GRID2: variants seen among roughly 807,000 people sequenced by gnomAD.
GRID2 encodes glutamate ionotropic receptor delta type subunit 2.
GRID2 carries 33 observed loss-of-function variants against 114.8 expected under a neutral mutation model. The observed-to-expected ratio is 0.29, with a 90% CI of 0.22 to 0.38. GRID2 has a LOEUF of 0.38. GRID2 is among the 10% of genes least tolerant of loss of function. GRID2 has a pLI of 1.00. For synonymous variants in GRID2, 505 were observed against 449.9 expected (o/e 1.12, Z -1.55); for missense variants, 1,184 against 1,257.7 (o/e 0.94, Z 0.89).
intron 13 of GRID2, among the ~76,000 whole-genome samples, chr4:93,550,758 A>G (rs1733679237): frequency 6.6e-6 from 1 of 152,260 alleles, no homozygotes; most frequent in Non-Finnish European, 1.5e-5. Context: ...TATTCCAGCA[A>G]TGTTTTTACC....
At chr4:92,567,172 C>T (rs1025484902) in intron 1 of GRID2, among the ~76,000 whole-genome samples, 15 of 151,984 alleles carry the variant, frequency 9.9e-5, no homozygotes, top group African/African-American at 3.6e-4. Context: ...CAAAACTTAT[C>T]GGATCAGATA....
At chr4:92,609,675 GACC>G (rs887715198) in intron 2 of GRID2, among the ~76,000 whole-genome samples, 12 of 150,864 alleles carry the variant, frequency 8.0e-5, no homozygotes, top group African/African-American at 2.9e-4. Context: ...TTCTTCTCGT[GACC>G]ACATTAGTAC....
At chr4:93,576,548 C>A (rs1736441978) in intron 13 of GRID2, among the ~76,000 whole-genome samples, 1 of 152,058 alleles carries the variant, frequency 6.6e-6, no homozygotes, top group Non-Finnish European at 1.5e-5. Context: ...ATTTAAAAAC[C>A]TGATAAGTAT....
intron 1 of GRID2, among the ~76,000 whole-genome samples, chr4:92,442,319 A>G (rs138898418): frequency 0.14 from 20,491 of 150,514 alleles, 1,729 homozygotes; most frequent in Middle Eastern, 0.2. Context: ...AGGTGAGTTG[A>G]ACAGTCCGAT....
At chr4:92,611,549 A>G (rs1729745064) in intron 2 of GRID2, among the ~76,000 whole-genome samples, 1 of 151,588 alleles carries the variant, frequency 6.6e-6, no homozygotes. Flanking sequence ...AGGGGACACA[A>G]ACATTCAGTC....
chr4:92,696,775 T>G lies in GRID2; in HGVS notation c.244+106489T>G, dbSNP rs542564383. The stretch of plus-strand genomic sequence containing the variant: ...TTAAGTAAGAGTTTAGACCTGTAAT[T>G]GAAAGAGACATTAATGTGTGTGTCA... On this transcript the variant is annotated intron_variant, in intron 2 of 15. Transcript: ENST00000282020. 5.9e-5 allele frequency among the ~76,000 whole-genome samples: 9 copies of G among 152,220 alleles called. No individual in the cohort carries two copies. In the South Asian group the frequency reaches 1.9e-3, roughly 32 times the overall value.
chr4:92,981,279 CAT>C (rs925781589), intron 2 of GRID2, among the ~76,000 whole-genome samples: 11 of 152,090 alleles, frequency 7.2e-5, no homozygotes, highest in African/African-American at 2.6e-4. Flanking sequence ...GTTCATTTTT[CAT>C]AAAACATTAA....
At position 92,836,929 on chromosome 4, in the gene GRID2, C is replaced by T. The variant is rs1560626552; in HGVS notation, c.244+246643C>T. On this transcript the variant is annotated intron_variant, in intron 2 of 15. Coordinates refer to ENST00000282020, the MANE Select transcript of GRID2 (RefSeq NM_001510.4). Reference sequence around the variant, plus strand: ...TCTGCTTCAAAAGAAAATCGAAAATCTTCAAGCGAAGATTGCTTGAGGAAA... The same window carrying T: ...TCTGCTTCAAAAGAAAATCGAAAATTTTCAAGCGAAGATTGCTTGAGGAAA... 2.0e-5 allele frequency among the ~76,000 whole-genome samples: 3 copies of T among 152,072 alleles called. No homozygotes were observed. The South Asian group carries it at 6.2e-4, about 31-fold the overall frequency.
chr4:92,829,387 A>G (rs1741946495), intron 2 of GRID2, among the ~76,000 whole-genome samples: 1 of 152,182 alleles, frequency 6.6e-6, no homozygotes, highest in Non-Finnish European at 1.5e-5. Flanking sequence ...CCACAACAGG[A>G]TACCATCTCA....
chr4:92,847,394 A>G lies in GRID2; in HGVS notation c.245-237601A>G, dbSNP rs1181634400. Among the ~76,000 whole-genome samples, 5 of 152,174 alleles carry G rather than the reference A, an allele frequency of 3.3e-5. No homozygotes were observed. In the East Asian group the frequency reaches 9.7e-4, roughly 29 times the overall value. ...CAGTTTTTTCTTGGGCTTCTTTGCC[A>G]TAAGCACTCAATAGCTGCTACATGA... On this transcript the variant is annotated intron_variant, in intron 2 of 15. Transcript: ENST00000282020.
chr4:93,203,354 A>G (rs1021181049), intron 4 of GRID2, among the ~76,000 whole-genome samples: 2 of 152,150 alleles, frequency 1.3e-5, no homozygotes, highest in African/African-American at 4.8e-5. Flanking sequence ...TGTCACAATA[A>G]TACATGGATT....
chr4:93,649,414 T>C (rs1387897880), intron 14 of GRID2, among the ~76,000 whole-genome samples: 1 of 152,184 alleles, frequency 6.6e-6, no homozygotes, highest in East Asian at 1.9e-4. Flanking sequence ...ATTAACATAA[T>C]AATTATTTGA....
chr4:92,928,585 T>C (rs895720866), intron 2 of GRID2, among the ~76,000 whole-genome samples: 1 of 151,624 alleles, frequency 6.6e-6, no homozygotes. Context: ...TTACATAATT[T>C]CTCCTAACAT....
intron 1 of GRID2, among the ~76,000 whole-genome samples, chr4:92,570,636 G>A (rs762414136): frequency 2.6e-5 from 4 of 151,974 alleles, no homozygotes; most frequent in African/African-American, 4.8e-5. Context: ...TTATTTGACA[G>A]TGGTTTATAG....
intron 4 of GRID2, among the ~76,000 whole-genome samples, chr4:93,158,924 C>T (rs1297344883): frequency 6.6e-6 from 1 of 151,532 alleles, no homozygotes; most frequent in African/African-American, 2.4e-5. Flanking sequence ...TCTAGACTGA[C>T]TCTAAATGTT....
intron 1 of GRID2, among the ~76,000 whole-genome samples, chr4:92,446,546 T>G (rs185523012): frequency 1.8e-4 from 27 of 152,350 alleles, no homozygotes; most frequent in Admixed American, 5.2e-4. Context: ...GAGGACCTAT[T>G]GTAAAGTTCT....
chr4:93,316,336 G>GAAAA (rs771027348), intron 8 of GRID2, among the ~76,000 whole-genome samples: 1 of 53,336 alleles, frequency 1.9e-5, no homozygotes, highest in Non-Finnish European at 4.2e-5. Flanking sequence ...AAGAAAGAAA[G>GAAAA]AAAGAAGGAA....
At chr4:93,653,707 GT>G (rs746866336) in intron 14 of GRID2, among the ~76,000 whole-genome samples, 68 of 152,226 alleles carry the variant, frequency 4.5e-4, no homozygotes, top group Admixed American at 8.5e-4. Flanking sequence ...TAGTTTGACT[GT>G]TTAGTCAATC....
At chr4:92,687,073 A>G (rs1733941196) in intron 2 of GRID2, among the ~76,000 whole-genome samples, 1 of 152,188 alleles carries the variant, frequency 6.6e-6, no homozygotes, top group Admixed American at 6.5e-5. Context: ...TAAATTAACT[A>G]CAGCATCATT....
Sources: gnomAD v4.1 joint callset for allele counts (sites outside exome capture counted in the v4.1 genomes callset) on GRCh38, gnomAD v4.1.1 for gene constraint, MANE v1.5 for transcripts, NCBI Gene and HGNC (gene_info 2026-07-23, HGNC 2026-07-21) for gene names.